SAMD5: variants seen among roughly 807,000 people sequenced by gnomAD.
SAMD5 encodes sterile alpha motif domain containing 5.
In SAMD5, 13 loss-of-function variants were observed where a neutral mutation model predicts 11.3. The observed-to-expected ratio is 1.15, with a 90% confidence interval of 0.75 to 1.83. The LOEUF is 1.83. SAMD5 is among the 40% of genes most tolerant of loss of function. The probability of loss-of-function intolerance (pLI) is 0.00; values close to 1 mark genes in which losing one functional copy is unlikely to be tolerated. For missense variants in SAMD5, 255 were observed against 239.1 expected (o/e 1.07, Z -0.44); for synonymous variants, 129 against 111.3 (o/e 1.16, Z -1.00).
chr6:147,778,936 T>C, the SAMD5 span, among the ~76,000 whole-genome samples: 2 of 151,482 alleles, frequency 1.3e-5, no homozygotes, highest in South Asian at 4.2e-4. Flanking sequence ...AGACTCTATA[T>C]ATGAAGCAAC....
chr6:147,596,237 A>G lies in SAMD5; in HGVS notation c.162+86850A>G, dbSNP rs546999767. ...GATTCTTTCTCCATTTTTTAAAATGACTCCTGTTACTTTTCCAAGCAATAT... is the reference window on the plus strand; with the variant it reads ...GATTCTTTCTCCATTTTTTAAAATGGCTCCTGTTACTTTTCCAAGCAATAT... On this transcript the variant is annotated intron_variant, in intron 1 of 1. Transcript: ENST00000566741. Among the ~76,000 whole-genome samples the G allele has an allele frequency of 5.9e-5, 9 of 152,126 alleles. 1 individual carries two copies. Among genetic ancestry groups the G allele is most frequent in the African/African-American group, 2.2e-4 (9 of 41,506 alleles).
chr6:147,586,771 A>G (rs533915210), intron 1 of SAMD5, among the ~76,000 whole-genome samples: 1 of 152,142 alleles, frequency 6.6e-6, no homozygotes, highest in African/African-American at 2.4e-5. Context: ...AATAAAGTAA[A>G]AGACAATTAC....
At chr6:147,835,250 A>AG in the SAMD5 span, among the ~76,000 whole-genome samples, 1 of 151,126 alleles carries the variant, frequency 6.6e-6, no homozygotes, top group African/African-American at 2.4e-5. Context: ...AAAAAAACAA[A>AG]AAAAACAGTA....
At chr6:147,720,320 A>G (rs866023105) in intron 1 of SAMD5, among the ~76,000 whole-genome samples, 5 of 152,160 alleles carry the variant, frequency 3.3e-5, no homozygotes, top group African/African-American at 4.8e-5. Context: ...AAAATTAGCC[A>G]GGCGCGATGG....
At chr6:147,790,783 TCTCTCTCTCTC>T in the SAMD5 span, among the ~76,000 whole-genome samples, 1 of 100,280 alleles carries the variant, frequency 1.0e-5, no homozygotes, top group African/African-American at 4.0e-5. Context: ...TCTCTCTCTC[TCTCTCTCTCTC>T]TCTCTCTCTC....
At chr6:147,773,867 G>T in the SAMD5 span, among the ~76,000 whole-genome samples, 5 of 152,150 alleles carry the variant, frequency 3.3e-5, no homozygotes, top group African/African-American at 1.2e-4. Context: ...TTAAGAGACT[G>T]GGTTTCACTC....
At chr6:147,918,326 T>C in the SAMD5 span, among the ~76,000 whole-genome samples, 2 of 152,122 alleles carry the variant, frequency 1.3e-5, no homozygotes, top group Admixed American at 1.3e-4. Context: ...TTCGAAGCAG[T>C]TGTGAGTGGG....
intron 1 of SAMD5, among the ~76,000 whole-genome samples, chr6:147,705,496 A>G (rs886905463): frequency 6.6e-6 from 1 of 152,216 alleles, no homozygotes; most frequent in African/African-American, 2.4e-5. Flanking sequence ...TTTTTAAGAT[A>G]CAAAAGAAAC....
At chr6:147,635,222 G>A (rs1408684917) in intron 1 of SAMD5, among the ~76,000 whole-genome samples, 3 of 118,892 alleles carry the variant, frequency 2.5e-5, no homozygotes, top group Non-Finnish European at 6.0e-5. Context: ...CGTCATCACT[G>A]TTGTCACCAC....
At chr6:147,582,741 T>A (rs1389774450) in intron 1 of SAMD5, among the ~76,000 whole-genome samples, 2 of 152,226 alleles carry the variant, frequency 1.3e-5, no homozygotes, top group African/African-American at 2.4e-5. Context: ...TGGAAGTGCA[T>A]GATTCTAATT....
At chr6:147,515,609 T>G (rs140873524) in intron 1 of SAMD5, among the ~76,000 whole-genome samples, 25 of 151,888 alleles carry the variant, frequency 1.6e-4, no homozygotes, top group African/African-American at 5.3e-4. Flanking sequence ...TTCATCCATT[T>G]ATCCATCTAT....
chr6:147,820,107 T>C, the SAMD5 span, among the ~76,000 whole-genome samples: 5 of 152,162 alleles, frequency 3.3e-5, no homozygotes, highest in African/African-American at 9.6e-5. Context: ...AGAATTTCTT[T>C]GATTTTATAC....
chr6:147,741,844 C>T (rs1024663486), downstream of SAMD5: 2 of 152,290 alleles, frequency 1.3e-5, no homozygotes, highest in African/African-American at 4.8e-5. Flanking sequence ...ATTTTCAAAG[C>T]TCATCATGCT....
the SAMD5 span, among the ~76,000 whole-genome samples, chr6:147,918,951 T>G: frequency 2.0e-5 from 3 of 152,082 alleles, no homozygotes; most frequent in Admixed American, 2.0e-4. Context: ...GTGATCTGCC[T>G]GCCTTGGCCT....
intron 1 of SAMD5, among the ~76,000 whole-genome samples, chr6:147,655,438 T>TATCC (rs1474150998): frequency 6.6e-6 from 1 of 152,216 alleles, no homozygotes; most frequent in Non-Finnish European, 1.5e-5. Context: ...TATGCATGTA[T>TATCC]ATCCACGTTG....
the SAMD5 span, among the ~76,000 whole-genome samples, chr6:147,790,770 T>TCTCTCTCTC: frequency 1.1e-5 from 1 of 88,212 alleles, no homozygotes; most frequent in Non-Finnish European, 2.3e-5. Flanking sequence ...CTCTCTCTCT[T>TCTCTCTCTC]TCTCTCTCTC....
chr6:147,665,524 G>A (rs1371255054), intron 1 of SAMD5, among the ~76,000 whole-genome samples: 1 of 152,204 alleles, frequency 6.6e-6, no homozygotes, highest in Non-Finnish European at 1.5e-5. Context: ...CTGCCCACAG[G>A]TGCTTATGGA....
chr6:147,698,337 G>T (rs554629395), intron 1 of SAMD5, among the ~76,000 whole-genome samples: 2 of 152,204 alleles, frequency 1.3e-5, no homozygotes, highest in Middle Eastern at 3.4e-3. Context: ...ATCATCTTGG[G>T]TATTCCAGTG....
chr6:147,652,873 T>A (rs984154298), intron 1 of SAMD5, among the ~76,000 whole-genome samples: 1 of 152,204 alleles, frequency 6.6e-6, no homozygotes, highest in East Asian at 1.9e-4. Context: ...CTGTCTTAGA[T>A]GTCTTTTTGC....
Sources: gnomAD v4.1 joint callset for allele counts (sites outside exome capture counted in the v4.1 genomes callset) on GRCh38, gnomAD v4.1.1 for gene constraint, MANE v1.5 for transcripts, NCBI Gene and HGNC (gene_info 2026-07-23, HGNC 2026-07-21) for gene names.